MID1: variants seen among roughly 807,000 people sequenced by gnomAD.
The protein encoded by MID1 is midline 1, also known as E3 ubiquitin-protein ligase Midline-1.
MID1 carries 7 observed loss-of-function variants against 40.4 expected under a neutral mutation model. The observed-to-expected ratio is 0.17, with a 90% confidence interval of 0.10 to 0.33. The LOEUF (loss-of-function observed/expected upper bound fraction) is 0.33, where lower values mean the gene tolerates loss of function less well. Among genes scored for constraint, MID1 ranks in the 10% least tolerant of loss-of-function variants. The pLI, the probability that MID1 is intolerant of heterozygous loss-of-function variation, is 1.00. For synonymous variants in MID1, 229 were observed against 221.2 expected, an observed-to-expected ratio of 1.04 and a Z score of -0.31; for missense variants, 367 against 558.5, an observed-to-expected ratio of 0.66 and a Z score of 3.46.
chrX:10,641,647 T>A (rs1341543637), intron 1 of MID1, among the ~76,000 whole-genome samples: 1 of 111,489 alleles, frequency 9.0e-6, no homozygotes, highest in Admixed American at 9.5e-5. Context: ...AAAGAAGGAA[T>A]CCTCCCTAGT....
intron 1 of MID1, among the ~76,000 whole-genome samples, chrX:10,761,053 G>A (rs1055559417): frequency 3.6e-5 from 4 of 111,622 alleles, no homozygotes; most frequent in Non-Finnish European, 5.6e-5. Flanking sequence ...ATTAATGACT[G>A]TATGAGTGCC....
chrX:10,603,054 T>C (rs1935561876), intron 1 of MID1, among the ~76,000 whole-genome samples: 1 of 112,608 alleles, frequency 8.9e-6, no homozygotes, highest in African/African-American at 3.2e-5. Context: ...ATGATATTTC[T>C]TAAATTATTA....
intron 1 of MID1, among the ~76,000 whole-genome samples, chrX:10,750,899 G>T (rs1423338824): frequency 2.7e-5 from 3 of 111,164 alleles, no homozygotes; most frequent in Non-Finnish European, 5.7e-5. Context: ...TAGAATGTGG[G>T]GTGGGCAGAG....
At chrX:10,570,731 A>G (rs933400167) in intron 1 of MID1, among the ~76,000 whole-genome samples, 5 of 112,519 alleles carry the variant, frequency 4.4e-5, no homozygotes, top group Non-Finnish European at 9.4e-5. Context: ...CAACTACTCA[A>G]TCTACCACTG....
chrX:10,813,689 G>A (rs889918105), intron 1 of MID1, among the ~76,000 whole-genome samples: 2 of 111,311 alleles, frequency 1.8e-5, no homozygotes, highest in African/African-American at 6.5e-5. Context: ...GTTGTACTCA[G>A]GGCATTTTCC....
rs183034004 is a variant in MID1 at position 10,775,245 on chromosome X, A to G, written c.-187+58309T>C. Among the ~76,000 whole-genome samples, 399 of 110,410 alleles carry G rather than the reference A, an allele frequency of 3.6e-3. 2 individuals are homozygous for G. Among genetic ancestry groups the G allele is most frequent in the African/African-American group, 0.012 (379 of 30,344 alleles). ...GAAATGAAAAAGAATGAAGAAGAGAATGTGATTGGAAAGGATGCATATGAG... is the reference window on the plus strand; with the variant it reads ...GAAATGAAAAAGAATGAAGAAGAGAGTGTGATTGGAAAGGATGCATATGAG... On this transcript the variant is annotated intron_variant, in intron 1 of 10. Coordinates refer to the MID1 transcript ENST00000380785.
chrX:10,466,818 T>C (rs1445505421), intron 7 of MID1, among the ~76,000 whole-genome samples: 1 of 112,243 alleles, frequency 8.9e-6, no homozygotes, highest in Non-Finnish European at 1.9e-5. Context: ...TTATGGTATA[T>C]GTAGCCAAGA....
At chrX:10,697,943 C>A (rs1232197681) in intron 1 of MID1, among the ~76,000 whole-genome samples, 2 of 112,397 alleles carry the variant, frequency 1.8e-5, no homozygotes, top group East Asian at 5.6e-4. Context: ...GAAAGAATCA[C>A]CCCCACTCTC....
rs147832768 is a variant in MID1 at position 10,675,541 on chromosome X, G to A, written c.-186-55122C>T. Among the ~76,000 whole-genome samples the A allele has an allele frequency of 9.2e-3, 1,022 of 111,289 alleles. 16 individuals are homozygous for A. The highest frequency in any genetic ancestry group is 0.032 in the African/African-American group (981 of 30,589). ...CAACTCCAAACACGCCTCTCAGAAG[G>A]ACTTTTGTAGCTTGCTTAAGGGATA... On this transcript the variant is annotated intron_variant, in intron 1 of 10. Coordinates refer to the MID1 transcript ENST00000380785.
chrX:10,803,299 G>A, intron 1 of MID1, among the ~76,000 whole-genome samples: 1 of 109,237 alleles, frequency 9.2e-6, no homozygotes, highest in Admixed American at 9.7e-5. Context: ...AGTGACATAA[G>A]TAAGATGCTT....
At chrX:10,830,481 C>T (rs2044245984) in intron 1 of MID1, among the ~76,000 whole-genome samples, 1 of 112,403 alleles carries the variant, frequency 8.9e-6, no homozygotes. Context: ...ATTAATAATG[C>T]AAAAAATGTT....
chrX:10,739,276 C>T (rs1480546661), intron 1 of MID1, among the ~76,000 whole-genome samples: 2 of 111,473 alleles, frequency 1.8e-5, no homozygotes, highest in South Asian at 7.6e-4. Context: ...TGGCATGGAT[C>T]CCCTGTATCT....
intron 1 of MID1, among the ~76,000 whole-genome samples, chrX:10,574,992 T>C (rs947540169): frequency 8.9e-6 from 1 of 112,595 alleles, no homozygotes; most frequent in African/African-American, 3.2e-5. Context: ...AACACACTGT[T>C]AAAATTGCAC....
At chrX:10,762,846 A>G (rs2043689818) in intron 1 of MID1, among the ~76,000 whole-genome samples, 1 of 111,921 alleles carries the variant, frequency 8.9e-6, no homozygotes, top group South Asian at 3.7e-4. Context: ...ACAAATAAGT[A>G]TCAGATATAA....
At chrX:10,504,855 G>A (rs1931748871) in intron 3 of MID1, among the ~76,000 whole-genome samples, 1 of 110,550 alleles carries the variant, frequency 9.0e-6, no homozygotes, top group South Asian at 3.8e-4. Flanking sequence ...CTATTGTAGT[G>A]TGAAAGCAGC....
chrX:10,730,119 A>G (rs2043434010), intron 1 of MID1, among the ~76,000 whole-genome samples: 1 of 109,811 alleles, frequency 9.1e-6, no homozygotes, highest in Non-Finnish European at 1.9e-5. Context: ...TAAATAAATA[A>G]ATAAATAAAA....
chrX:10,816,781 A>G (rs926780527), intron 1 of MID1, among the ~76,000 whole-genome samples: 21 of 112,317 alleles, frequency 1.9e-4, no homozygotes, highest in Non-Finnish European at 1.3e-4. Context: ...TTGTTTAAGA[A>G]ACATCATTAC....
intron 1 of MID1, among the ~76,000 whole-genome samples, chrX:10,650,041 A>G (rs1460811402): frequency 1.8e-5 from 2 of 111,632 alleles, no homozygotes; most frequent in South Asian, 3.8e-4. Context: ...ATGAAAACAA[A>G]AGAGTTCAAA....
chrX:10,481,432 GT>G (rs1474374088), intron 5 of MID1, among the ~76,000 whole-genome samples: 1 of 111,605 alleles, frequency 9.0e-6, no homozygotes, highest in African/African-American at 3.3e-5. Flanking sequence ...GCTTCTCTTT[GT>G]TTTTTCATTT....
Sources: gnomAD v4.1 joint callset for allele counts (sites outside exome capture counted in the v4.1 genomes callset) on GRCh38, gnomAD v4.1.1 for gene constraint, MANE v1.5 for transcripts, NCBI Gene and HGNC (gene_info 2026-07-23, HGNC 2026-07-21) for gene names.